Variants in KLHL15 observed in about 807,000 individuals in gnomAD.
KLHL15 encodes the protein kelch-like protein 15.
A neutral mutation model predicts 29.3 loss-of-function variants in KLHL15; 1 was observed. The observed-to-expected ratio is 0.03, with a 90% CI of 0.01 to 0.16. KLHL15 has a LOEUF of 0.16. Among genes scored for constraint, KLHL15 ranks in the 10% least tolerant of loss-of-function variants. The probability of loss-of-function intolerance (pLI) is 1.00; values close to 1 mark genes in which losing one functional copy is unlikely to be tolerated. For missense variants in KLHL15, 215 were observed against 478.5 expected (o/e 0.45, Z 5.14); for synonymous variants, 212 against 184.5 (o/e 1.15, Z -1.21).
chrX:24,010,285 T>G (rs1297470911), intron 2 of KLHL15, among the ~76,000 whole-genome samples: 3 of 111,826 alleles, frequency 2.7e-5, no homozygotes, highest in Non-Finnish European at 5.6e-5. Flanking sequence ...CTTCTCCAGC[T>G]TAGACCTTAC....
At position 24,025,042 on chromosome X, in the gene KLHL15, C is replaced by T; in HGVS notation, c.-193G>A. On this transcript the variant is annotated 5_prime_UTR_variant, in exon 2 of 4. Coordinates refer to ENST00000328046, the MANE Select transcript of KLHL15 (RefSeq NM_030624.3). ...GGGGCACGAGAGTGCTCGCCTGCAG[C>T]CCCCTCTGGATAAGTCCTGGGAAAG... 3.4e-6 allele frequency: 1 copy of T among 297,551 alleles called. No individual in the cohort carries two copies. Among genetic ancestry groups the T allele is most frequent in the Non-Finnish European group, 5.9e-6 (1 of 169,929 alleles). The allele number at this position is 297,551 out of a possible 1,213,427, so 24.5% of individuals were successfully genotyped here. A position where few individuals can be genotyped will look rare whatever the true frequency, so the allele number is the denominator to read the frequency against.
In KLHL15 at chrX:24,015,767, G is replaced by A. The variant is rs751573644; in HGVS notation, c.-7-9067C>T. Among the ~76,000 whole-genome samples, 6 of 112,472 alleles carry A rather than the reference G, an allele frequency of 5.3e-5. No individual in the cohort carries two copies. The East Asian group carries it at 1.7e-3, about 32-fold the overall frequency. The stretch of plus-strand genomic sequence containing the variant: ...TAATCCCAACAGTCTGGGAGGCCGA[G>A]GTGGGCAGATCACCTGAGGTCAGGA... On this transcript the variant is annotated intron_variant, in intron 2 of 3. Coordinates refer to ENST00000328046, the MANE Select transcript of KLHL15 (RefSeq NM_030624.3).
At chrX:24,027,052 T>C (rs1214646899) in intron 1 of KLHL15, 88 bp downstream of exon 1, 1 of 112,656 alleles carries the variant, frequency 8.9e-6, no homozygotes, top group African/African-American at 3.2e-5. Flanking sequence ...TAAATGTTCA[T>C]GCATTATTCC....
rs1323152517 is a variant in KLHL15 at position 23,984,265 on chromosome X, G to T, written c.*3656C>A. On this transcript the variant is annotated 3_prime_UTR_variant, in exon 4 of 4. Coordinates refer to ENST00000328046, the MANE Select transcript of KLHL15 (RefSeq NM_030624.3). ...GATTTCCATGAATTTATCTATTCCA[G>T]TCTATGCCTACTGAATATTTGACTT... 2 of 111,850 alleles carry T rather than the reference G, an allele frequency of 1.8e-5. No homozygotes were observed. The highest frequency in any genetic ancestry group is 6.5e-5 in the African/African-American group (2 of 30,806). The allele number at this position is 111,850 out of a possible 1,213,427, so 9.2% of individuals were successfully genotyped here. A position where few individuals can be genotyped will look rare whatever the true frequency, so the allele number is the denominator to read the frequency against.
rs191105982 is a variant in KLHL15 at position 23,996,687 on chromosome X, C to A, written c.706-7657G>T. On this transcript the variant is annotated intron_variant, in intron 3 of 3. Coordinates refer to ENST00000328046, the MANE Select transcript of KLHL15 (RefSeq NM_030624.3). ...CAAAAAACAAAACAAAACAAAAAAA[C>A]CCTGTATCAGCTACATTTGATATAA... Among the ~76,000 whole-genome samples the A allele has an allele frequency of 7.8e-3, 871 of 111,478 alleles. 9 individuals carry two copies. Among genetic ancestry groups the A allele is most frequent in the South Asian group, 0.037 (99 of 2,693 alleles).
chrX:23,987,927 G>C lies in KLHL15; in HGVS notation c.1809C>G (p.Cys603Trp). 8.4e-7 allele frequency: 1 copy of C among 1,190,334 alleles called. No homozygotes were observed. Among genetic ancestry groups the C allele is most frequent in the East Asian group, 3.0e-5 (1 of 33,445 alleles). Residue 603 changes from cysteine to tryptophan, a missense_variant, in exon 4 of 4, where the codon TGC (cysteine) becomes TGG (tryptophan). Cys to Trp is a radical substitution (Grantham distance 215). Transcript: ENST00000328046. ...TTTAGGGAGGAGGATGTCATTAGTT[G>C]CAACGCCTGACCTCATCCAGTACAT... ...PDYVLDEVRR[C>W]N
intron 2 of KLHL15, among the ~76,000 whole-genome samples, chrX:24,014,850 C>G (rs1035239700): frequency 8.9e-6 from 1 of 111,842 alleles, no homozygotes; most frequent in African/African-American, 3.2e-5. Context: ...GAAAGAGAAA[C>G]AAAGATAAAA....
chrX:23,989,857 G>A (rs1929047172), intron 3 of KLHL15, among the ~76,000 whole-genome samples: 1 of 109,194 alleles, frequency 9.2e-6, no homozygotes, highest in African/African-American at 3.3e-5. Context: ...GTCTTGCTCT[G>A]TTGCCCAGGC....
intron 3 of KLHL15, among the ~76,000 whole-genome samples, chrX:24,004,389 T>A (rs1170543325): frequency 9.3e-6 from 1 of 108,014 alleles, no homozygotes; most frequent in Non-Finnish European, 1.9e-5. Flanking sequence ...AAAACAGGAT[T>A]CCCCAGGGAA....
intron 2 of KLHL15, among the ~76,000 whole-genome samples, chrX:24,017,856 C>T (rs139341232): frequency 1.8e-3 from 194 of 109,919 alleles, no homozygotes; most frequent in African/African-American, 6.1e-3. Flanking sequence ...GCCTGTAATC[C>T]CAACATTTTG....
In KLHL15 at chrX:23,988,242, C is replaced by G; in HGVS notation, c.1494G>C (p.Val498=). 1.4e-5 allele frequency: 17 copies of G among 1,211,470 alleles called. No individual in the cohort carries two copies. Among genetic ancestry groups the G allele is most frequent in the Non-Finnish European group, 1.9e-5 (17 of 895,260 alleles). The change falls in exon 4 of 4, where the codon GTG becomes GTC. Residue 498 remains valine, a synonymous_variant. Transcript: ENST00000328046. The stretch of plus-strand genomic sequence containing the variant: ...GAGATTCGAAAGAGGCCCTCAAGAT[C>G]ACACAGACACCACCGAAGACATAAA... The part of the protein sequence containing the change: ...GKLYVFGGVC[V]ILRASFESQG...
rs1269751692 is a variant in KLHL15, at chrX:24,007,507, AAATAT to A, written c.-7-812_-7-808del. On this transcript the variant is annotated intron_variant, in intron 2 of 3. Coordinates refer to ENST00000328046, the MANE Select transcript of KLHL15 (RefSeq NM_030624.3). ...CCCCATTTCCAAAAAAAAAAAAAAAAAATATATATATATATATATATATATATATC... is the reference window on the plus strand; with the variant it reads ...CCCCATTTCCAAAAAAAAAAAAAAAAATATATATATATATATATATATATC... Among the ~76,000 whole-genome samples, 125 of 51,885 alleles carry A rather than the reference AAATAT, an allele frequency of 2.4e-3. 1 individual carries two copies. The highest frequency in any genetic ancestry group is 0.011 in the African/African-American group (113 of 10,701). 45.1% of individuals were successfully genotyped at this position (51,885 alleles called of 115,157 possible). A position where few individuals can be genotyped will look rare whatever the true frequency, so the allele number is the denominator to read the frequency against.
In KLHL15 at chrX:23,989,019, T is replaced by A. The variant is rs1569264229; in HGVS notation, c.717A>T (p.Ser239=). The A allele has an allele frequency of 2.5e-6, 3 of 1,199,857 alleles. No homozygotes were observed. The highest frequency in any genetic ancestry group is 3.4e-6 in the Non-Finnish European group (3 of 889,616). ...PTSVFEKVKT[S]EFYRYSRQLR... ...GCTGTCGGGAGTATCTATAAAATTC[T>A]GATGTCTTAACCTAAGAACACAAGA... The change falls in exon 4 of 4, where the codon TCA becomes TCT. Residue 239 remains serine, a synonymous_variant. Transcript: ENST00000328046.
chrX:24,024,567 T>A (rs920146107), intron 2 of KLHL15, among the ~76,000 whole-genome samples: 1 of 112,568 alleles, frequency 8.9e-6, no homozygotes, highest in Non-Finnish European at 1.9e-5. Context: ...AGGCATAAAT[T>A]GAATTGTTAA....
chrX:24,025,012 C>A lies in KLHL15; in HGVS notation c.-163G>T. 1 of 297,942 alleles carries A rather than the reference C, an allele frequency of 3.4e-6. No individual in the cohort carries two copies. The highest frequency in any genetic ancestry group is 5.9e-6 in the Non-Finnish European group (1 of 170,066). 24.6% of individuals were successfully genotyped at this position (297,942 alleles called of 1,213,427 possible). On this transcript the variant is annotated 5_prime_UTR_variant, in exon 2 of 4. Transcript: ENST00000328046. The stretch of plus-strand genomic sequence containing the variant: ...CGCTCCCGGCACGAGCCGGGTCGCT[C>A]CGGCGGGGCACGAGAGTGCTCGCCT...
intron 3 of KLHL15, among the ~76,000 whole-genome samples, chrX:24,002,101 G>C (rs961521901): frequency 1.3e-4 from 14 of 109,738 alleles, no homozygotes; most frequent in South Asian, 3.9e-4. Flanking sequence ...CCACTGTACT[G>C]CAGCCTGGGC....
intron 2 of KLHL15, among the ~76,000 whole-genome samples, chrX:24,007,508 A>AATATATATATATATATATATATAT (rs759758947): frequency 2.8e-5 from 1 of 35,938 alleles, no homozygotes; most frequent in African/African-American, 1.5e-4. Flanking sequence ...AAAAAAAAAA[A>AATATATATATATATATATATATAT]ATATATATAT....
chrX:24,010,533 T>A (rs1484858300), intron 2 of KLHL15, among the ~76,000 whole-genome samples: 1 of 112,349 alleles, frequency 8.9e-6, no homozygotes, highest in East Asian at 2.8e-4. Context: ...TGGACAAATC[T>A]CTGGGATACT....
intron 3 of KLHL15, among the ~76,000 whole-genome samples, chrX:23,994,163 T>C (rs1929141605): frequency 1.8e-5 from 2 of 111,567 alleles, no homozygotes; most frequent in Non-Finnish European, 3.8e-5. Context: ...ACTGACAAAG[T>C]GGACCACATC....
Sources: gnomAD v4.1 joint callset for allele counts (sites outside exome capture counted in the v4.1 genomes callset) on GRCh38, gnomAD v4.1.1 for gene constraint, MANE v1.5 for transcripts, NCBI Gene and HGNC (gene_info 2026-07-23, HGNC 2026-07-21) for gene names.